UNC13C: variants seen among roughly 807,000 people sequenced by gnomAD.
The protein encoded by UNC13C is unc-13 homolog C, also known as protein unc-13 homolog C.
A neutral mutation model predicts 245.4 loss-of-function variants in UNC13C; 174 were observed. The ratio of observed to expected loss-of-function variants is 0.71; its 90% CI spans 0.63 to 0.80. UNC13C has a LOEUF of 0.80. Among genes scored for constraint, UNC13C ranks in the 30% least tolerant of loss-of-function variants. The pLI is 0.00. For synonymous variants in UNC13C, 992 were observed against 895.1 expected (o/e 1.11, Z -1.93); for missense variants, 2,829 against 2,602.9 (o/e 1.09, Z -1.89).
intron 10 of UNC13C, among the ~76,000 whole-genome samples, chr15:54,272,670 A>C (rs1230203507): frequency 6.6e-6 from 1 of 152,060 alleles, no homozygotes; most frequent in Non-Finnish European, 1.5e-5. Flanking sequence ...TATGTCTAGC[A>C]GCAGGAAAAT....
chr15:54,091,872 T>G (rs1271083571), intron 2 of UNC13C, among the ~76,000 whole-genome samples: 1 of 152,208 alleles, frequency 6.6e-6, no homozygotes, highest in East Asian at 1.9e-4. Flanking sequence ...ATTTATTCCT[T>G]AAGTCTTAGT....
intron 20 of UNC13C, among the ~76,000 whole-genome samples, chr15:54,498,392 A>C (rs1050039223): frequency 4.6e-5 from 7 of 152,116 alleles, no homozygotes; most frequent in Non-Finnish European, 4.4e-5. Context: ...TAATTAGATA[A>C]TTAAATACAG....
chr15:53,947,346 T>C, the UNC13C span, among the ~76,000 whole-genome samples: 1 of 152,216 alleles, frequency 6.6e-6, no homozygotes, highest in Non-Finnish European at 1.5e-5. Context: ...TAGAAGATTT[T>C]GATTAATATT....
At chr15:54,553,794 A>C (rs1238142425) in intron 28 of UNC13C, among the ~76,000 whole-genome samples, 3 of 151,404 alleles carry the variant, frequency 2.0e-5, no homozygotes, top group Non-Finnish European at 4.4e-5. Flanking sequence ...ACTTATTAGC[A>C]TCTGTTAGAA....
intron 4 of UNC13C, among the ~76,000 whole-genome samples, chr15:54,216,065 T>C (rs1421304381): frequency 6.6e-6 from 1 of 151,612 alleles, no homozygotes; most frequent in Admixed American, 6.6e-5. Flanking sequence ...AAGATGCAAA[T>C]GAGAGAGGAT....
chr15:53,957,933 A>G, the UNC13C span, among the ~76,000 whole-genome samples: 1 of 152,260 alleles, frequency 6.6e-6, no homozygotes, highest in South Asian at 2.1e-4. Context: ...GATATATTTA[A>G]TGATTTCAAC....
intron 19 of UNC13C, among the ~76,000 whole-genome samples, chr15:54,486,249 A>G: frequency 9.3e-6 from 1 of 108,100 alleles, no homozygotes; most frequent in Admixed American, 1.1e-4. Flanking sequence ...AGATCTATTA[A>G]AACACACACA....
chr15:54,038,124 A>AAATTTTTTTTTTTTT (rs1555406259), intron 2 of UNC13C, among the ~76,000 whole-genome samples: 1 of 45,040 alleles, frequency 2.2e-5, no homozygotes, highest in African/African-American at 1.1e-4. Flanking sequence ...ATATATATAT[A>AAATTTTTTTTTTTTT]TTTTTTTTTT....
At chr15:54,443,683 A>G (rs1890653966) in intron 19 of UNC13C, among the ~76,000 whole-genome samples, 1 of 151,984 alleles carries the variant, frequency 6.6e-6, no homozygotes. Context: ...CAGGAGCATG[A>G]TTTATAAATT....
the UNC13C span, chr15:53,948,104 C>T: frequency 6.6e-6 from 1 of 151,984 alleles, no homozygotes; most frequent in Non-Finnish European, 1.5e-5. Context: ...TAAGCCAAAA[C>T]CAAAATCTTG....
the UNC13C span, among the ~76,000 whole-genome samples, chr15:53,901,905 C>CT: frequency 6.6e-6 from 1 of 152,218 alleles, no homozygotes; most frequent in African/African-American, 2.4e-5. Flanking sequence ...CAGCAGACCA[C>CT]TTTTTTTATT....
intron 2 of UNC13C, chr15:54,050,797 C>A (rs1337124220): frequency 3.4e-6 from 2 of 594,110 alleles, no homozygotes; most frequent in South Asian, 1.4e-5. Flanking sequence ...ATGAATACAG[C>A]CCTTCAGCAG....
intron 23 of UNC13C, 35 bp downstream of exon 23, chr15:54,507,229 T>G: frequency 2.9e-6 from 4 of 1,365,558 alleles, no homozygotes; most frequent in African/African-American, 1.4e-5. Flanking sequence ...CAAGTATCTC[T>G]CAGTTGAGAT....
At chr15:54,410,010 C>G (rs2040384867) in intron 18 of UNC13C, among the ~76,000 whole-genome samples, 1 of 152,130 alleles carries the variant, frequency 6.6e-6, no homozygotes, top group African/African-American at 2.4e-5. Flanking sequence ...TAATTGTTCC[C>G]TTTTCTCTGC....
At chr15:54,581,271 C>A (rs145023398) in intron 30 of UNC13C, among the ~76,000 whole-genome samples, 1 of 152,112 alleles carries the variant, frequency 6.6e-6, no homozygotes, top group Non-Finnish European at 1.5e-5. Flanking sequence ...GAGATCAAAG[C>A]GACAAGAAGA....
intron 19 of UNC13C, among the ~76,000 whole-genome samples, chr15:54,457,026 GT>G (rs1891570542): frequency 1.3e-5 from 2 of 152,012 alleles, no homozygotes; most frequent in African/African-American, 4.8e-5. Flanking sequence ...GTCATAGATG[GT>G]TTTTATTACC....
At chr15:54,477,258 G>C (rs1405830625) in intron 19 of UNC13C, among the ~76,000 whole-genome samples, 2 of 112,314 alleles carry the variant, frequency 1.8e-5, no homozygotes, top group Non-Finnish European at 3.7e-5. Flanking sequence ...CTGCAAACAG[G>C]GACAATTTGA....
At chr15:54,483,686 G>C (rs918134927) in intron 19 of UNC13C, among the ~76,000 whole-genome samples, 2 of 152,086 alleles carry the variant, frequency 1.3e-5, no homozygotes, top group Non-Finnish European at 2.9e-5. Flanking sequence ...GGTAGAAATG[G>C]AGTTTCACCC....
intron 11 of UNC13C, among the ~76,000 whole-genome samples, chr15:54,297,448 G>C (rs149462609): frequency 1.7e-4 from 26 of 152,018 alleles, no homozygotes; most frequent in African/African-American, 6.0e-4. Context: ...AAACTCCTGA[G>C]TTCAAGAGAT....
Sources: allele counts gnomAD v4.1 joint callset (sites outside exome capture counted in the v4.1 genomes callset), GRCh38; gene constraint gnomAD v4.1.1; transcripts MANE v1.5; gene names NCBI Gene and HGNC (gene_info 2026-07-23, HGNC 2026-07-21).